CTNNA2: variants seen among roughly 807,000 people sequenced by gnomAD.
CTNNA2 encodes the protein catenin alpha-2.
In CTNNA2, 42 loss-of-function variants were observed where a neutral mutation model predicts 101.0. The ratio of observed to expected loss-of-function variants is 0.42; its 90% confidence interval spans 0.32 to 0.54. The LOEUF (loss-of-function observed/expected upper bound fraction) is 0.54, where lower values mean the gene tolerates loss of function less well. Among genes scored for constraint, CTNNA2 ranks in the 20% least tolerant of loss-of-function variants. The pLI is 0.14. For synonymous variants in CTNNA2, 450 were observed against 456.4 expected (o/e 0.99, Z 0.18); for missense variants, 871 against 1,223.1 (o/e 0.71, Z 4.29).
At chr2:79,280,922 G>C (rs1290482520) in intron 2 of CTNNA2, among the ~76,000 whole-genome samples, 1 of 151,940 alleles carries the variant, frequency 6.6e-6, no homozygotes, top group African/African-American at 2.4e-5. Context: ...AAGCCTGATG[G>C]GATCACTTTG....
intron 9 of CTNNA2, among the ~76,000 whole-genome samples, chr2:80,533,212 G>A (rs1690693206): frequency 6.6e-6 from 1 of 152,170 alleles, no homozygotes; most frequent in South Asian, 2.1e-4. Context: ...CAGTAAGCCT[G>A]AAGGTGTTTG....
chr2:80,344,775 A>G (rs1008805043), intron 7 of CTNNA2, among the ~76,000 whole-genome samples: 8 of 152,152 alleles, frequency 5.3e-5, no homozygotes, highest in African/African-American at 1.9e-4. Context: ...TGTGAGCCAC[A>G]ACACATGGCC....
chr2:79,999,285 C>T (rs1003878470), intron 7 of CTNNA2, among the ~76,000 whole-genome samples: 2 of 152,202 alleles, frequency 1.3e-5, no homozygotes, highest in African/African-American at 4.8e-5. Context: ...TGCAAGCCAT[C>T]TCACTGCCCA....
intron 9 of CTNNA2, among the ~76,000 whole-genome samples, chr2:80,502,598 C>T (rs779001737): frequency 5.3e-5 from 8 of 152,200 alleles, no homozygotes; most frequent in Non-Finnish European, 1.2e-4. Context: ...GCTGGTTTTA[C>T]TTTCTCTACT....
At chr2:79,562,082 C>G (rs1674816193) in intron 1 of CTNNA2, among the ~76,000 whole-genome samples, 1 of 151,826 alleles carries the variant, frequency 6.6e-6, no homozygotes, top group African/African-American at 2.4e-5. Flanking sequence ...TGAGAGTTTT[C>G]TAGTTTTTAC....
chr2:80,414,412 C>G (rs1290393873), intron 8 of CTNNA2, among the ~76,000 whole-genome samples: 2 of 152,166 alleles, frequency 1.3e-5, no homozygotes, highest in Non-Finnish European at 2.9e-5. Flanking sequence ...TCCACTCATG[C>G]TTGAATCCCT....
In CTNNA2 at chr2:80,188,117, G is replaced by T. The variant is rs4142758; in HGVS notation, c.1057-205094G>T. On this transcript the variant is annotated intron_variant, in intron 7 of 18. Transcript: ENST00000402739. ...GCTGCTCTTTGAAGACAATATTTTC[G>T]AATTTCATCTGTTATTTCAAGGTTT... Among the ~76,000 whole-genome samples, 59 of 151,974 alleles carry T rather than the reference G, an allele frequency of 3.9e-4. No homozygotes were observed. The East Asian group carries it at 7.4e-3, about 19-fold the overall frequency.
rs1227302340 is a variant in CTNNA2 at position 80,192,088 on chromosome 2, G to T, written c.1057-201123G>T. ...ATATGGGATTTTTCATCTTCAAAAA[G>T]AGTTTGAGGTCTGCAGTGGTGAATA... On this transcript the variant is annotated intron_variant, in intron 7 of 18. Transcript: ENST00000402739. Among the ~76,000 whole-genome samples the T allele has an allele frequency of 2.6e-5, 4 of 152,264 alleles. No homozygotes were observed. In the East Asian group the frequency reaches 5.8e-4, roughly 22 times the overall value.
rs1417573362 is a variant in CTNNA2, at chr2:80,300,066, C to G, written c.1057-93145C>G. On this transcript the variant is annotated intron_variant, in intron 7 of 18. Transcript: ENST00000402739. ...GAATCTTTTTCCTGCTACCCCTGCT[C>G]TTGGAGTGGTATGCTATTTAGAAAG... Among the ~76,000 whole-genome samples the G allele has an allele frequency of 2.6e-5, 4 of 152,198 alleles. 1 individual carries two copies. The East Asian group carries it at 7.7e-4, about 29-fold the overall frequency.
intron 9 of CTNNA2, among the ~76,000 whole-genome samples, chr2:80,531,159 C>G (rs1690505652): frequency 6.6e-6 from 1 of 152,142 alleles, no homozygotes; most frequent in Non-Finnish European, 1.5e-5. Flanking sequence ...GGACAGCAGT[C>G]AGGTTGTCTC....
intron 4 of CTNNA2, among the ~76,000 whole-genome samples, chr2:79,478,660 G>A (rs1187717969): frequency 2.0e-5 from 3 of 152,282 alleles, no homozygotes; most frequent in Middle Eastern, 3.4e-3. Flanking sequence ...GTGGGTCTTA[G>A]GAGATACCCT....
At chr2:80,200,563 T>A (rs111695054) in intron 7 of CTNNA2, among the ~76,000 whole-genome samples, 3,644 of 152,048 alleles carry the variant, frequency 0.024, 157 homozygotes, top group African/African-American at 0.082. Flanking sequence ...TGAGATGGAG[T>A]CTCACTGTAT....
intron 7 of CTNNA2, among the ~76,000 whole-genome samples, chr2:79,975,164 C>T (rs1574449946): frequency 6.6e-6 from 1 of 152,236 alleles, no homozygotes; most frequent in East Asian, 1.9e-4. Context: ...ATTCGTGAAA[C>T]AAAATGATTT....
At chr2:80,180,280 T>C (rs1705690786) in intron 7 of CTNNA2, among the ~76,000 whole-genome samples, 1 of 152,230 alleles carries the variant, frequency 6.6e-6, no homozygotes, top group African/African-American at 2.4e-5. Flanking sequence ...TGGAAATTGA[T>C]TGAGACACCA....
chr2:80,611,904 G>A (rs999164231), intron 17 of CTNNA2, among the ~76,000 whole-genome samples: 5 of 151,528 alleles, frequency 3.3e-5, no homozygotes, highest in African/African-American at 1.2e-4. Context: ...TGTTCAGGAT[G>A]TAATTTATGG....
At chr2:79,713,922 C>G (rs183902622) in intron 2 of CTNNA2, among the ~76,000 whole-genome samples, 1 of 152,262 alleles carries the variant, frequency 6.6e-6, no homozygotes, top group Admixed American at 6.5e-5. Flanking sequence ...CTTTGCTTAT[C>G]TGCCCTGCTC....
chr2:80,024,066 G>A (rs994467997), intron 7 of CTNNA2, among the ~76,000 whole-genome samples: 8 of 140,916 alleles, frequency 5.7e-5, no homozygotes, highest in Non-Finnish European at 9.0e-5. Flanking sequence ...CAGCCTGGGC[G>A]ACAGAGCGAG....
intron 15 of CTNNA2, among the ~76,000 whole-genome samples, chr2:80,599,148 T>TAAAAAG (rs1033275307): frequency 7.2e-5 from 11 of 152,096 alleles, no homozygotes; most frequent in Non-Finnish European, 1.3e-4. Flanking sequence ...TATTTCAAAA[T>TAAAAAG]AAAAAGTTAA....
chr2:80,214,443 A>G lies in CTNNA2; in HGVS notation c.1057-178768A>G, dbSNP rs56886581. On this transcript the variant is annotated intron_variant, in intron 7 of 18. Coordinates refer to ENST00000402739, the MANE Select transcript of CTNNA2 (RefSeq NM_001282597.3). ...AATCTCTCAGCATTTGCTTGTCTGT[A>G]AAGGATTTTATTTCTCCTTCACTTA... Among the ~76,000 whole-genome samples, 1,217 of 152,226 alleles carry G rather than the reference A, an allele frequency of 8.0e-3. 14 individuals carry two copies. Among genetic ancestry groups the G allele is most frequent in the African/African-American group, 0.028 (1,154 of 41,530 alleles).
Sources: allele counts gnomAD v4.1 joint callset (sites outside exome capture counted in the v4.1 genomes callset), GRCh38; gene constraint gnomAD v4.1.1; transcripts MANE v1.5; gene names NCBI Gene and HGNC (gene_info 2026-07-23, HGNC 2026-07-21).